GPC5: variants seen among roughly 807,000 people sequenced by gnomAD.
GPC5 encodes the protein glypican 5, also known as glypican-5.
A neutral mutation model predicts 53.9 loss-of-function variants in GPC5; 47 were observed. The ratio of observed to expected loss-of-function variants is 0.87; its 90% CI spans 0.69 to 1.11. The LOEUF (loss-of-function observed/expected upper bound fraction) is 1.11. GPC5 is among the 50% of genes most tolerant of loss of function. GPC5 has a pLI of 0.00. For synonymous variants in GPC5, 286 were observed against 263.3 expected (o/e 1.09, Z -0.84); for missense variants, 748 against 713.1 (o/e 1.05, Z -0.56).
In GPC5 at chr13:92,385,431, TATATAC is replaced by T. The variant is rs1272833332; in HGVS notation, c.1561+240448_1561+240453del. The stretch of plus-strand genomic sequence containing the variant: ...ATACACATATATATACATATATACA[TATATAC>T]ATATATACATATATACATATATACA... On this transcript the variant is annotated intron_variant, in intron 7 of 7. Coordinates refer to ENST00000377067, the MANE Select transcript of GPC5 (RefSeq NM_004466.6). Among the ~76,000 whole-genome samples the T allele has an allele frequency of 1.2e-3, 104 of 83,214 alleles. 3 individuals carry two copies. Among genetic ancestry groups the T allele is most frequent in the South Asian group, 3.2e-3 (9 of 2,828 alleles). 54.6% of individuals were successfully genotyped at this position (83,214 alleles called of 152,430 possible). A position where few individuals can be genotyped will look rare whatever the true frequency, so the allele number is the denominator to read the frequency against.
At chr13:92,861,604 C>G (rs189878546) in intron 7 of GPC5, among the ~76,000 whole-genome samples, 1 of 152,268 alleles carries the variant, frequency 6.6e-6, no homozygotes, top group Admixed American at 6.5e-5. Context: ...TTTTTACGTT[C>G]AAGACATCTT....
chr13:91,426,641 A>T (rs1394163424), intron 1 of GPC5, among the ~76,000 whole-genome samples: 1 of 152,162 alleles, frequency 6.6e-6, no homozygotes, highest in Non-Finnish European at 1.5e-5. Flanking sequence ...TTGGAGTTTA[A>T]TGTTTGAGGG....
At chr13:92,117,678 A>G (rs1016042134) in intron 6 of GPC5, among the ~76,000 whole-genome samples, 1 of 152,052 alleles carries the variant, frequency 6.6e-6, no homozygotes, top group Non-Finnish European at 1.5e-5. Context: ...AGCTGTTAAA[A>G]TACCAATTGT....
chr13:92,156,808 CT>C (rs1220122828), intron 7 of GPC5, among the ~76,000 whole-genome samples: 3 of 151,730 alleles, frequency 2.0e-5, no homozygotes, highest in African/African-American at 7.3e-5. Flanking sequence ...CTTTTTGATC[CT>C]TTCCCCCTGA....
chr13:91,942,814 T>C (rs1373136170), intron 6 of GPC5, among the ~76,000 whole-genome samples: 2 of 152,096 alleles, frequency 1.3e-5, no homozygotes, highest in Admixed American at 1.3e-4. Context: ...ATCTGAAACA[T>C]AGGCACTGAG....
chr13:91,966,710 G>T (rs542538877), intron 6 of GPC5, among the ~76,000 whole-genome samples: 228 of 152,278 alleles, frequency 1.5e-3, no homozygotes, highest in Middle Eastern at 6.8e-3. Context: ...TTGATGAAAT[G>T]CATTCATGCA....
At chr13:91,653,884 A>G (rs1166824270) in intron 2 of GPC5, among the ~76,000 whole-genome samples, 1 of 152,190 alleles carries the variant, frequency 6.6e-6, no homozygotes, top group Admixed American at 6.5e-5. Flanking sequence ...AAGTAAAATC[A>G]TCATCAATAC....
chr13:91,890,178 T>C (rs2039369717), intron 5 of GPC5, among the ~76,000 whole-genome samples: 1 of 152,206 alleles, frequency 6.6e-6, no homozygotes. Context: ...AGAAGTGTTC[T>C]TTTGCGTAAG....
intron 7 of GPC5, among the ~76,000 whole-genome samples, chr13:92,662,304 T>G (rs1886374637): frequency 1.3e-5 from 2 of 152,184 alleles, no homozygotes; most frequent in Non-Finnish European, 2.9e-5. Flanking sequence ...GCAATATGAA[T>G]CCAAGGCAAG....
chr13:92,223,102 A>G (rs543374071), intron 7 of GPC5, among the ~76,000 whole-genome samples: 1 of 152,224 alleles, frequency 6.6e-6, no homozygotes, highest in East Asian at 1.9e-4. Context: ...AGGAAATGTG[A>G]CAATTAGAAC....
At chr13:91,963,689 CTGAT>C (rs761413607) in intron 6 of GPC5, among the ~76,000 whole-genome samples, 3 of 152,114 alleles carry the variant, frequency 2.0e-5, no homozygotes, top group South Asian at 2.1e-4. Context: ...AAATTATTAA[CTGAT>C]TGGGAGAGGT....
At chr13:92,842,018 T>C (rs1878447047) in intron 7 of GPC5, among the ~76,000 whole-genome samples, 1 of 152,192 alleles carries the variant, frequency 6.6e-6, no homozygotes, top group Non-Finnish European at 1.5e-5. Flanking sequence ...CAAGTGGTCT[T>C]GGTCTTCCAT....
chr13:91,459,723 T>C (rs1008926129), intron 2 of GPC5, among the ~76,000 whole-genome samples: 2 of 152,038 alleles, frequency 1.3e-5, no homozygotes, highest in African/African-American at 4.8e-5. Flanking sequence ...TTATACAGGG[T>C]AGAAGAGTAA....
At chr13:92,462,089 T>G (rs1878506649) in intron 7 of GPC5, among the ~76,000 whole-genome samples, 1 of 152,210 alleles carries the variant, frequency 6.6e-6, no homozygotes, top group South Asian at 2.1e-4. Flanking sequence ...TAGCTGTGTG[T>G]GGCCTTGCCA....
intron 7 of GPC5, among the ~76,000 whole-genome samples, chr13:92,359,263 A>G (rs533151315): frequency 2.5e-4 from 38 of 151,790 alleles, no homozygotes; most frequent in South Asian, 6.2e-4. Flanking sequence ...TTGCTAAAGC[A>G]TAGCAGGAAT....
intron 1 of GPC5, among the ~76,000 whole-genome samples, chr13:91,402,117 T>C (rs1876998337): frequency 6.6e-6 from 1 of 152,204 alleles, no homozygotes; most frequent in Admixed American, 6.5e-5. Context: ...CATGCAGTAG[T>C]TCCTCTTTTA....
At chr13:92,090,976 A>T (rs1320256229) in intron 6 of GPC5, among the ~76,000 whole-genome samples, 4 of 152,208 alleles carry the variant, frequency 2.6e-5, no homozygotes, top group Non-Finnish European at 5.9e-5. Flanking sequence ...CCATGTGAAG[A>T]TATAGTCAGA....
intron 5 of GPC5, among the ~76,000 whole-genome samples, chr13:91,812,726 T>C (rs9560860): frequency 0.049 from 7,400 of 152,216 alleles, 367 homozygotes; most frequent in East Asian, 0.22. Flanking sequence ...TTTTATCCTA[T>C]TCACCAGCAG....
intron 7 of GPC5, among the ~76,000 whole-genome samples, chr13:92,440,873 C>G (rs542500347): frequency 2.0e-5 from 3 of 152,162 alleles, no homozygotes; most frequent in East Asian, 1.9e-4. Context: ...TTGTTGGCCA[C>G]TTGTATATCT....
Sources: gnomAD v4.1 joint callset for allele counts (sites outside exome capture counted in the v4.1 genomes callset) on GRCh38, gnomAD v4.1.1 for gene constraint, MANE v1.5 for transcripts, NCBI Gene and HGNC (gene_info 2026-07-23, HGNC 2026-07-21) for gene names.